C8orf74: variants seen among roughly 807,000 people sequenced by gnomAD.
C8orf74 encodes uncharacterized protein C8orf74.
In C8orf74, 29 loss-of-function variants were observed where a neutral mutation model predicts 22.2. The ratio of observed to expected loss-of-function variants is 1.31; its 90% CI spans 0.97 to 1.78. The LOEUF (loss-of-function observed/expected upper bound fraction) is 1.78, where lower values mean the gene tolerates loss of function less well. Ranked by LOEUF, C8orf74 falls within the 40% of genes most tolerant of loss-of-function variation. The pLI is 0.00. For synonymous variants in C8orf74, 255 were observed against 163.1 expected (o/e 1.56, Z -4.30); for missense variants, 515 against 369.9 (o/e 1.39, Z -3.22).
At chr8:10,690,854 C>G (rs1362588435) in intron 2 of C8orf74, 1 of 456,254 alleles carries the variant, frequency 2.2e-6, no homozygotes, top group South Asian at 1.5e-5. Context: ...TCCACTCGTG[C>G]TGCATATCCT....
intron 2 of C8orf74, among the ~76,000 whole-genome samples, chr8:10,684,480 C>T (rs1329212785): frequency 2.6e-5 from 4 of 152,110 alleles, no homozygotes; most frequent in Non-Finnish European, 5.9e-5. Flanking sequence ...GAGCCCTAGG[C>T]AAGTGACCAA....
chr8:10,684,391 G>A (rs1046513473), intron 2 of C8orf74, among the ~76,000 whole-genome samples: 2 of 152,208 alleles, frequency 1.3e-5, no homozygotes, highest in Admixed American at 6.5e-5. Flanking sequence ...CAGGTAGGGG[G>A]ACCATTATGG....
rs376109964 is a variant in C8orf74, at chr8:10,674,700, G to A, written c.103G>A (p.Glu35Lys). 1.4e-5 allele frequency: 23 copies of A among 1,609,492 alleles called. No individual in the cohort carries two copies. Among genetic ancestry groups the A allele is most frequent in the East Asian group, 2.2e-5 (1 of 44,756 alleles). Reference sequence around the variant, plus strand: ...GCTTCTGAACTGGGAGGAGTTTGACGAACAGAGAGACTCCCGGAGGAGCAT... The same window carrying A: ...GCTTCTGAACTGGGAGGAGTTTGACAAACAGAGAGACTCCCGGAGGAGCAT... ...RRLLNWEEFD[E>K]QRDSRRSILL... The change falls in exon 2 of 4, where the codon GAA (glutamate) becomes AAA (lysine). Residue 35 changes from glutamate to lysine, a missense_variant. Glu to Lys is a moderately conservative substitution (Grantham distance 56). Coordinates refer to ENST00000304519, the MANE Select transcript of C8orf74 (RefSeq NM_001040032.2).
At position 10,697,903 on chromosome 8, in the gene C8orf74, G is replaced by A. The variant is rs368837794; in HGVS notation, c.546G>A (p.Val182=). ...TEAEAQKRAD[V]LLLKEALRLE... ...CCGAGGCACAGAAGCGCGCCGACGT[G>A]CTGCTCCTGAAAGAGGCGCTGCGCC... The change falls in exon 3 of 4, where the codon GTG becomes GTA. Residue 182 remains valine (V), a synonymous_variant. Coordinates refer to ENST00000304519, the MANE Select transcript of C8orf74 (RefSeq NM_001040032.2). 4.7e-5 allele frequency: 75 copies of A among 1,607,498 alleles called. No homozygotes were observed. The African/African-American group carries it at 9.6e-4, about 21-fold the overall frequency.
intron 2 of C8orf74, chr8:10,686,990 C>G: frequency 2.4e-6 from 1 of 419,054 alleles, no homozygotes. Context: ...AGTAGAATCA[C>G]CAGGCAACCG....
At chr8:10,680,577 C>T (rs1366028582) in intron 2 of C8orf74, among the ~76,000 whole-genome samples, 2 of 152,214 alleles carry the variant, frequency 1.3e-5, no homozygotes, top group Non-Finnish European at 2.9e-5. Context: ...CTGTCTACAC[C>T]CTTTCTTGTC....
chr8:10,674,767 G>C lies in C8orf74; in HGVS notation c.170G>C (p.Gly57Ala). ...TLYESIIFAVGKGFPWVEVAQ... is the reference protein window; with the variant it reads ...TLYESIIFAVAKGFPWVEVAQ... Reference sequence around the variant, plus strand: ...TACGAGAGCATCATCTTTGCAGTGGGCAAAGGCTTCCCATGGGTGGAGGTG... The same window carrying C: ...TACGAGAGCATCATCTTTGCAGTGGCCAAAGGCTTCCCATGGGTGGAGGTG... The change falls in exon 2 of 4, where the codon GGC becomes GCC. Residue 57 changes from glycine to alanine, a missense_variant. Gly to Ala is a moderately conservative substitution (Grantham distance 60, BLOSUM62 0). Transcript: ENST00000304519. 1.9e-6 allele frequency: 3 copies of C among 1,606,690 alleles called. No individual in the cohort carries two copies. Among genetic ancestry groups the C allele is most frequent in the Non-Finnish European group, 2.5e-6 (3 of 1,176,692 alleles).
At chr8:10,674,609 A>C in intron 1 of C8orf74, 37 bp from the exon 2 acceptor site, 1 of 1,451,184 alleles carries the variant, frequency 6.9e-7, no homozygotes, top group Non-Finnish European at 9.2e-7. Flanking sequence ...TGCAACCCCC[A>C]CATCATACCC....
In C8orf74 at chr8:10,686,976, G is replaced by A. The variant is rs971632166; in HGVS notation, c.242-10623G>A. 8 of 410,822 alleles carry A rather than the reference G, an allele frequency of 1.9e-5. No individual in the cohort carries two copies. The Admixed American group carries it at 2.0e-4, about 10-fold the overall frequency. The allele number at this position is 410,822 out of a possible 1,614,324, so 25.4% of individuals were successfully genotyped here. ...CCCCGTGCCCGCCCATCCCACCATAGGTGAGTAGAATCACCAGGCAACCGC... is the reference window on the plus strand; with the variant it reads ...CCCCGTGCCCGCCCATCCCACCATAAGTGAGTAGAATCACCAGGCAACCGC... On this transcript the variant is annotated intron_variant, in intron 2 of 3. Transcript: ENST00000304519.
At chr8:10,677,867 G>A (rs7011192) in intron 2 of C8orf74, among the ~76,000 whole-genome samples, 13,844 of 152,150 alleles carry the variant, frequency 0.091, 826 homozygotes, top group Admixed American at 0.16. Context: ...ACTAAAGCCC[G>A]TAACCATTTC....
chr8:10,696,441 C>CTTTTTTTTTTT (rs546082377), intron 2 of C8orf74, among the ~76,000 whole-genome samples: 132 of 102,408 alleles, frequency 1.3e-3, no homozygotes, highest in East Asian at 1.9e-3. Context: ...CTTTTCTTTT[C>CTTTTTTTTTTT]TTTTTTTTTT....
At position 10,696,436 on chromosome 8, in the gene C8orf74, CTTTTCTTTTTT is replaced by C. The variant is rs1382831678; in HGVS notation, c.242-1158_242-1148del. 4.7e-3 allele frequency among the ~76,000 whole-genome samples: 618 copies of C among 130,790 alleles called. 2 individuals carry two copies. The highest frequency in any genetic ancestry group is 0.019 in the African/African-American group (569 of 30,270). 85.8% of individuals were successfully genotyped at this position (130,790 alleles called of 152,430 possible). A position where few individuals can be genotyped will look rare whatever the true frequency, so the allele number is the denominator to read the frequency against. On this transcript the variant is annotated intron_variant, in intron 2 of 3. Coordinates refer to ENST00000304519, the MANE Select transcript of C8orf74 (RefSeq NM_001040032.2). Reference sequence around the variant, plus strand: ...CTTTTTTTTTCTTTTCTTTTCTTTTCTTTTCTTTTTTTTTTTTTTTTTTTTTTGAGATGGAG... The same window carrying C: ...CTTTTTTTTTCTTTTCTTTTCTTTTCTTTTTTTTTTTTTTTTGAGATGGAG...
At chr8:10,690,741 A>T in intron 2 of C8orf74, 1 of 384,396 alleles carries the variant, frequency 2.6e-6, no homozygotes, top group Admixed American at 2.8e-5. Flanking sequence ...AAGCCACCGG[A>T]GCCCCCTGGT....
chr8:10,696,110 G>A (rs927194546), intron 2 of C8orf74, among the ~76,000 whole-genome samples: 2 of 152,048 alleles, frequency 1.3e-5, no homozygotes. Context: ...CACCAGGGTA[G>A]GCATGTAATT....
chr8:10,697,588 T>C lies in C8orf74; in HGVS notation c.242-11T>C. 3.1e-6 allele frequency: 5 copies of C among 1,609,896 alleles called. No individual in the cohort carries two copies. Among genetic ancestry groups the C allele is most frequent in the Non-Finnish European group, 4.2e-6 (5 of 1,177,708 alleles). On this transcript the variant is annotated splice_polypyrimidine_tract_variant and intron_variant, in intron 2 of 3. Transcript: ENST00000304519. ...CCACTCCCACTCTGTTCTTGGCCCC[T>C]GTGCCTACAGGCTGCTCCATTACTG...
intron 2 of C8orf74, among the ~76,000 whole-genome samples, chr8:10,695,992 T>G (rs376067356): frequency 4.1e-4 from 63 of 152,220 alleles, no homozygotes; most frequent in African/African-American, 1.3e-3. Context: ...AAGTCCACAG[T>G]ACATTTCCAG....
At chr8:10,683,122 C>T (rs372044848) in intron 2 of C8orf74, among the ~76,000 whole-genome samples, 7 of 152,332 alleles carry the variant, frequency 4.6e-5, no homozygotes, top group Admixed American at 2.0e-4. Flanking sequence ...ACCCCCATGG[C>T]GAGTGGGCCA....
intron 2 of C8orf74, among the ~76,000 whole-genome samples, chr8:10,681,613 G>A (rs764825923): frequency 1.3e-5 from 2 of 152,200 alleles, no homozygotes; most frequent in South Asian, 2.1e-4. Flanking sequence ...TGTCCCACCT[G>A]TGGCCACCTG....
chr8:10,697,493 GA>G, intron 2 of C8orf74, 105 bp from the exon 3 acceptor site: 1 of 901,608 alleles, frequency 1.1e-6, no homozygotes, highest in South Asian at 1.6e-5. Context: ...ATGCAGTGGG[GA>G]CATGGGCTCT....
Sources: allele counts gnomAD v4.1 joint callset (sites outside exome capture counted in the v4.1 genomes callset), GRCh38; gene constraint gnomAD v4.1.1; transcripts MANE v1.5; gene names NCBI Gene and HGNC (gene_info 2026-07-23, HGNC 2026-07-21).